Variants in DHX57 observed in about 807,000 individuals in gnomAD.
DHX57 encodes the protein putative ATP-dependent RNA helicase DHX57.
DHX57 carries 105 observed loss-of-function variants against 156.2 expected under a neutral mutation model. That is an observed-to-expected ratio of 0.67 (90% CI 0.57 to 0.79). DHX57 has a LOEUF of 0.79. Ranked by LOEUF, DHX57 falls within the 30% of genes least tolerant of loss-of-function variation. DHX57 has a pLI of 0.00. For missense variants in DHX57, 1,847 were observed against 1,661.9 expected (o/e 1.11, Z -1.94); for synonymous variants, 704 against 595.6 (o/e 1.18, Z -2.65).
At chr2:38,842,822 A>G (rs1672076753) in intron 12 of DHX57, among the ~76,000 whole-genome samples, 183 bp downstream of exon 12, 2 of 152,208 alleles carry the variant, frequency 1.3e-5, no homozygotes, top group African/African-American at 2.4e-5. Flanking sequence ...ATTGGCAAAT[A>G]TAGTAACAAT....
intron 17 of DHX57, among the ~76,000 whole-genome samples, chr2:38,821,755 T>C (rs1670827836): frequency 6.6e-6 from 1 of 152,048 alleles, no homozygotes; most frequent in Non-Finnish European, 1.5e-5. Context: ...GACAAATCTT[T>C]AGCTAGACTG....
chr2:38,843,339 C>T (rs7559899), intron 11 of DHX57, 129 bp from the exon 12 acceptor site: 19,066 of 908,336 alleles, frequency 0.021, 272 homozygotes, highest in Non-Finnish European at 0.027. Flanking sequence ...CATCCTTCCA[C>T]CAGTCCAGGA....
At chr2:38,841,330 A>G (rs994727066) in intron 12 of DHX57, among the ~76,000 whole-genome samples, 2 of 152,252 alleles carry the variant, frequency 1.3e-5, no homozygotes, top group African/African-American at 2.4e-5. Context: ...AAACTGAGGC[A>G]CAGAGATGAT....
rs1671768422 is a variant in DHX57, at chr2:38,837,926, T to C, written c.2447A>G (p.Lys816Arg). The change falls in exon 13 of 24, where the codon AAA (lysine) becomes AGA (arginine). Residue 816 changes from lysine to arginine, a missense_variant. Coordinates refer to ENST00000457308, the MANE Select transcript of DHX57 (RefSeq NM_198963.3). ...TTCAAAATCCATGATGGACATTGTT[T>C]TGATGACTGACTTGCTAACCCCTGA... Reference protein sequence around the residue: ...RYKGVSKSVIKTMSIMDFEKV... With the variant: ...RYKGVSKSVIRTMSIMDFEKV... 6.2e-7 allele frequency: 1 copy of C among 1,612,624 alleles called. No individual in the cohort carries two copies. The highest frequency in any genetic ancestry group is 1.3e-5 in the African/African-American group (1 of 74,868).
chr2:38,871,044 T>G (rs1036617284), intron 1 of DHX57, among the ~76,000 whole-genome samples: 1 of 152,096 alleles, frequency 6.6e-6, no homozygotes, highest in African/African-American at 2.4e-5. Context: ...ATACTAACAG[T>G]TCTTCAAGTT....
At chr2:38,813,063 G>T (rs576599227) in intron 21 of DHX57, among the ~76,000 whole-genome samples, 2 of 151,196 alleles carry the variant, frequency 1.3e-5, no homozygotes, top group South Asian at 2.1e-4. Context: ...AGCCAGGAGG[G>T]TCTTAAACTC....
chr2:38,823,516 G>C (rs1670933407), intron 16 of DHX57, among the ~76,000 whole-genome samples: 1 of 152,116 alleles, frequency 6.6e-6, no homozygotes. Context: ...ATCAAATTAT[G>C]AAACAGAGTT....
chr2:38,833,920 A>C (rs1671514306), intron 13 of DHX57, among the ~76,000 whole-genome samples: 1 of 152,228 alleles, frequency 6.6e-6, no homozygotes, highest in Non-Finnish European at 1.5e-5. Flanking sequence ...TTATATCATA[A>C]AATACACACA....
chr2:38,845,577 TCTGGGAG>T (rs1672234398), intron 11 of DHX57, among the ~76,000 whole-genome samples: 1 of 152,080 alleles, frequency 6.6e-6, no homozygotes, highest in South Asian at 2.1e-4. Context: ...AAGATACTAA[TCTGGGAG>T]TTCTCGGCAC....
chr2:38,843,193 C>G lies in DHX57; in HGVS notation c.2237G>C (p.Gly746Ala). Residue 746 changes from glycine (G) to alanine (A), a missense_variant, in exon 12 of 24, where the codon GGG becomes GCG. Coordinates refer to ENST00000457308, the MANE Select transcript of DHX57 (RefSeq NM_198963.3). ...IAVTRYVLQD[G>A]SPYMRSMKQI... ...TTTCATGGACCGCATATATGGGCTC[C>G]CATCCTGTAATACATACCTGAGAAA... The G allele has an allele frequency of 6.2e-7, 1 of 1,614,036 alleles. No homozygotes were observed. Among genetic ancestry groups the G allele is most frequent in the Non-Finnish European group, 8.5e-7 (1 of 1,179,992 alleles).
At chr2:38,811,429 C>G in intron 21 of DHX57, 1 of 600,454 alleles carries the variant, frequency 1.7e-6, no homozygotes, top group South Asian at 1.5e-5. Flanking sequence ...AGTCCTCATA[C>G]AGGCCAGATG....
At position 38,811,544 on chromosome 2, in the gene DHX57, AT is replaced by A; in HGVS notation, c.3681+2276del. 2 of 1,158,110 alleles carry A rather than the reference AT, an allele frequency of 1.7e-6. 1 individual carries two copies. Among genetic ancestry groups the A allele is most frequent in the Non-Finnish European group, 2.5e-6 (2 of 785,344 alleles). 71.7% of individuals were successfully genotyped at this position (1,158,110 alleles called of 1,614,324 possible). ...CCTTGAAGTCTTCCTTCTGGCCAACATTGGCCAGGTAGGCAATAATGTCATA... is the reference window on the plus strand; with the variant it reads ...CCTTGAAGTCTTCCTTCTGGCCAACATGGCCAGGTAGGCAATAATGTCATA... On this transcript the variant is annotated intron_variant, in intron 21 of 23. Coordinates refer to ENST00000457308, the MANE Select transcript of DHX57 (RefSeq NM_198963.3).
At chr2:38,841,917 T>G (rs889029820) in intron 12 of DHX57, among the ~76,000 whole-genome samples, 6 of 152,188 alleles carry the variant, frequency 3.9e-5, no homozygotes, top group Admixed American at 3.9e-4. Context: ...AAGATGTTAT[T>G]TTAAAAGCCC....
At chr2:38,862,597 C>CTTTT in intron 3 of DHX57, 3 of 179,666 alleles carry the variant, frequency 1.7e-5, no homozygotes, top group East Asian at 1.2e-4. Flanking sequence ...CTGGAATGTC[C>CTTTT]TTTTTTTTTT....
chr2:38,867,750 A>G (rs530459811), intron 2 of DHX57, among the ~76,000 whole-genome samples: 1 of 152,012 alleles, frequency 6.6e-6, no homozygotes, highest in African/African-American at 2.4e-5. Flanking sequence ...TAGAGACAGG[A>G]TTTCACCCTA....
Position 38,816,609 on chromosome 2 carries a change from T to C in DHX57, c.3472-954A>G, listed in dbSNP as rs112966246. 4.1e-3 allele frequency among the ~76,000 whole-genome samples: 624 copies of C among 152,254 alleles called. 7 individuals are homozygous for C. Among genetic ancestry groups the C allele is most frequent in the African/African-American group, 0.014 (591 of 41,552 alleles). On this transcript the variant is annotated intron_variant, in intron 19 of 23. Transcript: ENST00000457308. Reference sequence around the variant, plus strand: ...TTTTCTTGTGGCTACTGTTCTCACATAGGCTGCACATCAGACAAAGAGAAG... The same window carrying C: ...TTTTCTTGTGGCTACTGTTCTCACACAGGCTGCACATCAGACAAAGAGAAG...
At position 38,861,716 on chromosome 2, in the gene DHX57, T is replaced by C. The variant is rs976902636; in HGVS notation, c.694A>G (p.Ile232Val). 4 of 1,614,054 alleles carry C rather than the reference T, an allele frequency of 2.5e-6. No individual in the cohort carries two copies. Among genetic ancestry groups the C allele is most frequent in the African/African-American group, 1.3e-5 (1 of 74,918 alleles). Residue 232 changes from isoleucine (I) to valine (V), a missense_variant, in exon 5 of 24, where the codon ATC (isoleucine) becomes GTC (valine). Transcript: ENST00000457308. ...CTTATCTGGTTGACTGCCTCAGAGA[T>C]CTTCATCCTCTCTCCAAATGTCTCT... ...FSETFGERMK[I>V]SEAVNQISLD...
At chr2:38,871,247 T>TA (rs1187786592) in intron 1 of DHX57, among the ~76,000 whole-genome samples, 3 of 152,214 alleles carry the variant, frequency 2.0e-5, no homozygotes, top group African/African-American at 7.2e-5. Context: ...ATAATATGTA[T>TA]ATGATATAAT....
In DHX57 at chr2:38,818,937, T is replaced by C. The variant is rs1670680031; in HGVS notation, c.3411A>G (p.Glu1137=). 1 of 1,614,096 alleles carries C rather than the reference T, an allele frequency of 6.2e-7. No individual in the cohort carries two copies. The highest frequency in any genetic ancestry group is 1.3e-5 in the African/African-American group (1 of 74,938). Residue 1137 remains glutamate, a synonymous_variant, in exon 19 of 24, where the codon GAA becomes GAG. Transcript: ENST00000457308. ...AGTAATTATAACTTGCACGCACGCCTTCTTTTGTACTTAGCTGCCATCCCT... is the reference window on the plus strand; with the variant it reads ...AGTAATTATAACTTGCACGCACGCCCTCTTTTGTACTTAGCTGCCATCCCT... ...AYKGWQLSTK[E]GVRASYNYCR...
Sources: gnomAD v4.1 joint callset for allele counts (sites outside exome capture counted in the v4.1 genomes callset) on GRCh38, gnomAD v4.1.1 for gene constraint, MANE v1.5 for transcripts, NCBI Gene and HGNC (gene_info 2026-07-23, HGNC 2026-07-21) for gene names.